Variants in RGS6 observed in about 807,000 individuals in gnomAD.
The protein encoded by RGS6 is regulator of G-protein signaling 6.
RGS6 carries 30 observed loss-of-function variants against 78.5 expected under a neutral mutation model. The ratio of observed to expected loss-of-function variants is 0.38; its 90% CI spans 0.29 to 0.52. RGS6 has a LOEUF of 0.52. RGS6 is among the 20% of genes least tolerant of loss of function. The pLI is 0.85. For synonymous variants in RGS6, 206 were observed against 206.0 expected, an observed-to-expected ratio of 1.00 and a Z score of 0.00; for missense variants, 495 against 609.7, an observed-to-expected ratio of 0.81 and a Z score of 1.98.
chr14:72,264,815 G>T (rs1429697426), intron 2 of RGS6, among the ~76,000 whole-genome samples: 1 of 152,174 alleles, frequency 6.6e-6, no homozygotes, highest in Non-Finnish European at 1.5e-5. Flanking sequence ...CTGCCAACTG[G>T]TGTCACCATT....
intron 2 of RGS6, among the ~76,000 whole-genome samples, chr14:72,254,773 T>C (rs2056699631): frequency 6.6e-6 from 1 of 152,208 alleles, no homozygotes; most frequent in African/African-American, 2.4e-5. Flanking sequence ...AGTATCCCTT[T>C]GTTGCCAGAG....
At chr14:72,207,794 C>T (rs146142477) in intron 2 of RGS6, among the ~76,000 whole-genome samples, 42 of 152,320 alleles carry the variant, frequency 2.8e-4, no homozygotes, top group African/African-American at 1.0e-3. Context: ...CCTGACAAAA[C>T]AGTTCATTGT....
At chr14:71,931,983 G>C (rs926618678), upstream of RGS6, among the ~76,000 whole-genome samples, 2 of 152,286 alleles carry the variant, frequency 1.3e-5, no homozygotes, top group South Asian at 2.1e-4. Flanking sequence ...TAATTTAGAG[G>C]GCGCCAGCAA....
chr14:72,593,154 G>A, the RGS6 span, among the ~76,000 whole-genome samples: 1 of 152,198 alleles, frequency 6.6e-6, no homozygotes, highest in Non-Finnish European at 1.5e-5. Context: ...CCACAACCAT[G>A]CCCAAGAAAG....
At chr14:72,254,729 TATCA>T (rs1166516353) in intron 2 of RGS6, among the ~76,000 whole-genome samples, 1 of 152,156 alleles carries the variant, frequency 6.6e-6, no homozygotes, top group Non-Finnish European at 1.5e-5. Context: ...TGTGTCAAAC[TATCA>T]ATCCTACATG....
At chr14:72,338,015 T>G (rs1335375488) in intron 2 of RGS6, among the ~76,000 whole-genome samples, 1 of 152,236 alleles carries the variant, frequency 6.6e-6, no homozygotes, top group Non-Finnish European at 1.5e-5. Context: ...GCAAAGAATT[T>G]GGAAGTTTAA....
At chr14:72,201,112 T>C (rs1407848760) in intron 2 of RGS6, among the ~76,000 whole-genome samples, 1 of 152,174 alleles carries the variant, frequency 6.6e-6, no homozygotes, top group Non-Finnish European at 1.5e-5. Context: ...AAGTGGTGCC[T>C]TGGGGAGCCC....
At chr14:71,945,463 G>C (rs1337501372) in intron 1 of RGS6, among the ~76,000 whole-genome samples, 1 of 152,208 alleles carries the variant, frequency 6.6e-6, no homozygotes, top group Non-Finnish European at 1.5e-5. Context: ...GGAAATGAGG[G>C]AAGCAAGTGA....
Position 72,123,625 on chromosome 14 carries a change from A to G in RGS6, c.84+158750A>G, listed in dbSNP as rs145742489. 7.2e-3 allele frequency among the ~76,000 whole-genome samples: 1,101 copies of G among 152,300 alleles called. 35 individuals are homozygous for G. Among genetic ancestry groups the G allele is most frequent in the Admixed American group, 0.061 (928 of 15,286 alleles). On this transcript the variant is annotated intron_variant, in intron 2 of 17. Transcript: ENST00000553525. ...AATCAGGTCAATTAGGAGTCACCTT[A>G]GTTTTCTTATTGAAAATTATGTGTA... is the stretch of plus-strand genomic sequence containing the variant.
intron 2 of RGS6, among the ~76,000 whole-genome samples, chr14:72,022,937 C>A (rs1439357453): frequency 6.6e-6 from 1 of 152,108 alleles, no homozygotes; most frequent in Non-Finnish European, 1.5e-5. Context: ...TTTTTCTTTC[C>A]CTTTACCTGA....
intron 2 of RGS6, among the ~76,000 whole-genome samples, chr14:72,083,276 T>C (rs1215705663): frequency 6.6e-6 from 1 of 152,150 alleles, no homozygotes; most frequent in Non-Finnish European, 1.5e-5. Context: ...GGTGGAGTTT[T>C]ACCTCCAGAA....
chr14:72,629,857 G>T, the RGS6 span: 4 of 789,092 alleles, frequency 5.1e-6, no homozygotes. Flanking sequence ...ATGACGTAGG[G>T]AAAAAAATGG....
intron 2 of RGS6, among the ~76,000 whole-genome samples, chr14:72,334,324 A>G (rs2075635025): frequency 6.6e-6 from 1 of 152,218 alleles, no homozygotes; most frequent in Non-Finnish European, 1.5e-5. Flanking sequence ...CTAGCTGCGG[A>G]AAGAGCCTTC....
At chr14:72,609,564 A>G in the RGS6 span, among the ~76,000 whole-genome samples, 1 of 152,232 alleles carries the variant, frequency 6.6e-6, no homozygotes, top group Non-Finnish European at 1.5e-5. Context: ...GGGCAGAAAC[A>G]TCACAGCACT....
chr14:72,048,101 A>G (rs1185576088), intron 2 of RGS6, among the ~76,000 whole-genome samples: 4 of 151,992 alleles, frequency 2.6e-5, no homozygotes, highest in Non-Finnish European at 5.9e-5. Flanking sequence ...GAACGGAACA[A>G]GAGAGACTGC....
At chr14:72,239,716 A>C (rs796165938) in intron 2 of RGS6, among the ~76,000 whole-genome samples, 6 of 152,284 alleles carry the variant, frequency 3.9e-5, no homozygotes, top group African/African-American at 1.2e-4. Flanking sequence ...CCTCCTCTGA[A>C]AGTGTTTGCT....
chr14:72,059,810 T>C (rs1042646345), intron 2 of RGS6, among the ~76,000 whole-genome samples: 1 of 151,936 alleles, frequency 6.6e-6, no homozygotes, highest in Non-Finnish European at 1.5e-5. Context: ...GGCAGAAAGG[T>C]GGCCATCTGC....
intron 1 of RGS6, among the ~76,000 whole-genome samples, chr14:71,946,552 C>G (rs1396501700): frequency 1.3e-5 from 2 of 152,032 alleles, no homozygotes; most frequent in Non-Finnish European, 2.9e-5. Context: ...AGAAGGAAAA[C>G]AAATGGAGAG....
At chr14:72,198,497 G>A (rs1388160326) in intron 2 of RGS6, among the ~76,000 whole-genome samples, 1 of 152,228 alleles carries the variant, frequency 6.6e-6, no homozygotes, top group Admixed American at 6.5e-5. Context: ...TTGCTCTGAT[G>A]TTTCTCTTTA....
Sources: allele counts gnomAD v4.1 joint callset (sites outside exome capture counted in the v4.1 genomes callset), GRCh38; gene constraint gnomAD v4.1.1; transcripts MANE v1.5; gene names NCBI Gene and HGNC (gene_info 2026-07-23, HGNC 2026-07-21).